RPS6KA2: variants seen among roughly 807,000 people sequenced by gnomAD.
RPS6KA2 encodes the protein ribosomal protein S6 kinase alpha-2.
RPS6KA2 carries 42 observed loss-of-function variants against 91.8 expected under a neutral mutation model. The observed-to-expected ratio is 0.46, with a 90% CI of 0.36 to 0.59. RPS6KA2 has a LOEUF of 0.59. RPS6KA2 is among the 20% of genes least tolerant of loss of function. RPS6KA2 has a pLI of 0.00. For missense variants in RPS6KA2, 798 were observed against 978.5 expected (o/e 0.82, Z 2.46); for synonymous variants, 414 against 393.6 (o/e 1.05, Z -0.61).
chr6:166,529,105 T>C (rs142914750), intron 3 of RPS6KA2, among the ~76,000 whole-genome samples: 3 of 152,318 alleles, frequency 2.0e-5, no homozygotes, highest in South Asian at 4.1e-4. Flanking sequence ...CATGCTGCTA[T>C]AAAGACACAT....
rs373730236 is a variant in RPS6KA2, at chr6:166,648,704, C to T, written c.124-109920G>A. On this transcript the variant is annotated intron_variant, in intron 2 of 21. Coordinates refer to the RPS6KA2 transcript ENST00000503859. This position sits in a 1 kb window ranked among gnomAD's most constrained non-coding sequence, Gnocchi z 4.8. ...AACTCTCTGCAGCCGACTCCATCTG[C>T]GCATCACTCCGATCTGTATTACAGT... Among the ~76,000 whole-genome samples the T allele has an allele frequency of 2.8e-4, 43 of 152,150 alleles. No individual in the cohort carries two copies. The highest frequency in any genetic ancestry group is 4.7e-4 in the Non-Finnish European group (32 of 68,024).
intron 1 of RPS6KA2, among the ~76,000 whole-genome samples, chr6:166,621,795 C>T (rs1786644707): frequency 6.6e-6 from 1 of 152,174 alleles, no homozygotes; most frequent in Non-Finnish European, 1.5e-5. Flanking sequence ...CCCTGAAGGT[C>T]CCCAAGGCCG....
chr6:166,648,038 TCTCA>T lies in RPS6KA2; in HGVS notation c.124-109258_124-109255del, dbSNP rs1294669759. ...CTTACACACATACATACACACATGC[TCTCA>T]CACACATGCACATGCTCACACACAT... On this transcript the variant is annotated intron_variant, in intron 2 of 21. Transcript: ENST00000503859. This position sits in a 1 kb window ranked among gnomAD's most constrained non-coding sequence, Gnocchi z 4.8. Among the ~76,000 whole-genome samples the T allele has an allele frequency of 1.8e-5, 2 of 108,572 alleles. No homozygotes were observed. Among genetic ancestry groups the T allele is most frequent in the African/African-American group, 3.5e-5 (1 of 28,816 alleles). The allele number at this position is 108,572 out of a possible 152,430, so 71.2% of individuals were successfully genotyped here.
chr6:166,434,181 T>C lies in RPS6KA2; in HGVS notation c.1333-1691A>G, dbSNP rs758028701. 3.3e-5 allele frequency among the ~76,000 whole-genome samples: 5 copies of C among 152,178 alleles called. No homozygotes were observed. Among genetic ancestry groups the C allele is most frequent in the Non-Finnish European group, 7.3e-5 (5 of 68,034 alleles). On this transcript the variant is annotated intron_variant, in intron 14 of 20. Transcript: ENST00000265678. The surrounding 1 kb of genome is among the most constrained non-coding windows in gnomAD (Gnocchi z 4.4). The stretch of plus-strand genomic sequence containing the variant: ...TATAAAAACTCACCATAGTGCCAGT[T>C]CTCACCCCATTATAGTTTCAAAGGA...
chr6:166,698,334 C>G (rs1460540246), intron 2 of RPS6KA2, among the ~76,000 whole-genome samples: 1 of 152,090 alleles, frequency 6.6e-6, no homozygotes, highest in Non-Finnish European at 1.5e-5. Flanking sequence ...AGTGATGACT[C>G]TTAAAAAACT....
At chr6:166,599,354 A>G (rs1785649995) in intron 1 of RPS6KA2, among the ~76,000 whole-genome samples, 1 of 152,224 alleles carries the variant, frequency 6.6e-6, no homozygotes. Context: ...AATGGTAAAC[A>G]GTGTCTCTGG....
Position 166,494,292 on chromosome 6 carries a change from A to G in RPS6KA2, c.748-3551T>C. On this transcript the variant is annotated intron_variant, in intron 8 of 20. Coordinates refer to ENST00000265678, the MANE Select transcript of RPS6KA2 (RefSeq NM_021135.6). This position sits in a 1 kb window ranked among gnomAD's most constrained non-coding sequence, Gnocchi z 5.1. ...TGTGCTGCACCCCACTCCGAGTGCCAAGAATCTCAGTCTCAAAACAGCCTT... is the reference window on the plus strand; with the variant it reads ...TGTGCTGCACCCCACTCCGAGTGCCGAGAATCTCAGTCTCAAAACAGCCTT... Among the ~76,000 whole-genome samples the G allele has an allele frequency of 6.6e-6, 1 of 152,140 alleles. No individual in the cohort carries two copies. Among genetic ancestry groups the G allele is most frequent in the East Asian group, 1.9e-4 (1 of 5,176 alleles).
chr6:166,768,676 G>A (rs1778387067), intron 2 of RPS6KA2, among the ~76,000 whole-genome samples: 1 of 152,114 alleles, frequency 6.6e-6, no homozygotes, highest in African/African-American at 2.4e-5. Context: ...CAGAGGGAGA[G>A]TTAAAGCCTT....
chr6:166,564,823 C>A (rs551473888), intron 1 of RPS6KA2, among the ~76,000 whole-genome samples: 24 of 152,322 alleles, frequency 1.6e-4, no homozygotes, highest in African/African-American at 5.5e-4. Flanking sequence ...GGCAGCATCA[C>A]CTTTCTGAGA....
chr6:166,823,133 G>C (rs531310590), intron 2 of RPS6KA2, among the ~76,000 whole-genome samples: 3 of 152,308 alleles, frequency 2.0e-5, no homozygotes, highest in Admixed American at 6.5e-5. Context: ...AGCTACATGA[G>C]ACAGGGGACC....
rs1043559466 is a variant in RPS6KA2, at chr6:166,612,148, G to T, written c.99+14773C>A. 1.3e-5 allele frequency among the ~76,000 whole-genome samples: 2 copies of T among 152,030 alleles called. No homozygotes were observed. Among genetic ancestry groups the T allele is most frequent in the African/African-American group, 4.8e-5 (2 of 41,388 alleles). The stretch of plus-strand genomic sequence containing the variant: ...CGTCGTCCAACATCAAGATGCAAGG[G>T]CCGCAATCTGAGTGTGAGGGCCAGG... On this transcript the variant is annotated intron_variant, in intron 1 of 20. Transcript: ENST00000265678. This position sits in a 1 kb window ranked among gnomAD's most constrained non-coding sequence, Gnocchi z 4.3.
intron 4 of RPS6KA2, among the ~76,000 whole-genome samples, chr6:166,509,644 T>C (rs1456426128): frequency 2.0e-5 from 3 of 152,248 alleles, no homozygotes; most frequent in Non-Finnish European, 2.9e-5. Context: ...GAAAGTTTAA[T>C]GTAATAAGCC....
chr6:166,566,857 G>A (rs548262837), intron 1 of RPS6KA2, among the ~76,000 whole-genome samples: 1 of 152,220 alleles, frequency 6.6e-6, no homozygotes, highest in African/African-American at 2.4e-5. Flanking sequence ...ACGCAAAGCT[G>A]AAGGTCTCAT....
rs138746290 is a variant in RPS6KA2 at position 166,554,697 on chromosome 6, T to A, written c.100-15913A>T. On this transcript the variant is annotated intron_variant, in intron 1 of 20. Transcript: ENST00000265678. This position sits in a 1 kb window ranked among gnomAD's most constrained non-coding sequence, Gnocchi z 4.3. ...AGCAGGGGGCAAAACCAACCTGCTG[T>A]CTGAAAGGGTTTTGTTTTTTTGTTT... 2.2e-3 allele frequency among the ~76,000 whole-genome samples: 341 copies of A among 152,362 alleles called. No homozygotes were observed. The highest frequency in any genetic ancestry group is 0.01 in the Middle Eastern group (3 of 294).
chr6:166,415,173 CTT>C (rs1224424262), intron 19 of RPS6KA2, among the ~76,000 whole-genome samples: 1 of 152,178 alleles, frequency 6.6e-6, no homozygotes, highest in African/African-American at 2.4e-5. Flanking sequence ...ATAACAATAT[CTT>C]TTTTATACAG....
In RPS6KA2 at chr6:166,647,794, T is replaced by G. The variant is rs574161958; in HGVS notation, c.124-109010A>C. On this transcript the variant is annotated intron_variant, in intron 2 of 21. Coordinates refer to the RPS6KA2 transcript ENST00000503859. Reference sequence around the variant, plus strand: ...TGCTCATACACACACATGCACATGCTTACACACATACATACACACATGCTC... The same window carrying G: ...TGCTCATACACACACATGCACATGCGTACACACATACATACACACATGCTC... 4.4e-5 allele frequency among the ~76,000 whole-genome samples: 6 copies of G among 136,488 alleles called. No homozygotes were observed. In the East Asian group the frequency reaches 1.4e-3, roughly 32 times the overall value. The allele number at this position is 136,488 out of a possible 152,430, so 89.5% of individuals were successfully genotyped here. A position where few individuals can be genotyped will look rare whatever the true frequency, so the allele number is the denominator to read the frequency against.
rs1779900235 is a variant in RPS6KA2, at chr6:166,821,394, G to A, written c.123+36806C>T. On this transcript the variant is annotated intron_variant, in intron 2 of 21. Coordinates refer to the RPS6KA2 transcript ENST00000503859. This position sits in a 1 kb window ranked among gnomAD's most constrained non-coding sequence, Gnocchi z 4.1. ...GGCCCTGTGGGTGCGCTTCACATGCGTGGGGCTGTAGGATGGAGGGGTGGA... is the reference window on the plus strand; with the variant it reads ...GGCCCTGTGGGTGCGCTTCACATGCATGGGGCTGTAGGATGGAGGGGTGGA... Among the ~76,000 whole-genome samples, 1 of 152,062 alleles carries A rather than the reference G, an allele frequency of 6.6e-6. No individual in the cohort carries two copies.
At chr6:166,817,445 G>A (rs1779797135) in intron 2 of RPS6KA2, among the ~76,000 whole-genome samples, 1 of 152,074 alleles carries the variant, frequency 6.6e-6, no homozygotes, top group South Asian at 2.1e-4. Flanking sequence ...CAGTAGAGCA[G>A]AAACACACAG....
intron 14 of RPS6KA2, among the ~76,000 whole-genome samples, chr6:166,444,828 G>C (rs1195150154): frequency 6.6e-6 from 1 of 152,150 alleles, no homozygotes; most frequent in Non-Finnish European, 1.5e-5. Flanking sequence ...AGCTAGAATT[G>C]GTCTTAATTT....
Sources: gnomAD v4.1 joint callset for allele counts (sites outside exome capture counted in the v4.1 genomes callset) on GRCh38, gnomAD v4.1.1 for gene constraint, Gnocchi (gnomAD v3.1) non-coding constraint, MANE v1.5 for transcripts, NCBI Gene and HGNC (gene_info 2026-07-23, HGNC 2026-07-21) for gene names.